The following CAND2 variants were observed in gnomAD, a reference collection of about 807,000 sequenced individuals.
CAND2 encodes the protein cullin-associated NEDD8-dissociated protein 2.
Under a neutral mutation model 98.9 loss-of-function variants are expected in CAND2, and 62 were observed. The ratio of observed to expected loss-of-function variants is 0.63; its 90% CI spans 0.51 to 0.77. CAND2 has a LOEUF of 0.77. CAND2 is among the 30% of genes least tolerant of loss of function. The probability of loss-of-function intolerance (pLI) is 0.00; values close to 1 mark genes in which losing one functional copy is unlikely to be tolerated. For missense variants in CAND2, 1,501 were observed against 1,655.2 expected (o/e 0.91, Z 1.62); for synonymous variants, 770 against 731.9 (o/e 1.05, Z -0.84).
At chr3:12,817,909 C>T in intron 10 of CAND2, 33 bp downstream of exon 10, 2 of 1,475,870 alleles carry the variant, frequency 1.4e-6, no homozygotes, top group East Asian at 2.4e-5. Context: ...GGCAGCCCAC[C>T]TCGGAGGTGG....
At chr3:12,798,897 A>T (rs2061745801) in intron 1 of CAND2, among the ~76,000 whole-genome samples, 1 of 101,878 alleles carries the variant, frequency 9.8e-6, no homozygotes, top group Non-Finnish European at 2.2e-5. Context: ...TGAAACTGAG[A>T]CTGTCCTCTG....
chr3:12,825,507 C>G lies in CAND2; in HGVS notation c.3078C>G (p.Asn1026Lys), dbSNP rs777626074. The change falls in exon 12 of 15, where the codon AAC becomes AAG. Residue 1026 changes from asparagine (N) to lysine (K), a missense_variant. Asn to Lys is a moderately conservative substitution (Grantham distance 94). Around this residue, in one of 3 missense-constraint regions of CAND2, gnomAD observed 1,427 missense variants for 1,545.3 expected, o/e 0.92. Transcript: ENST00000456430. ...FMESLQDPDL[N>K]VRRATLAFFN... Reference sequence around the variant, plus strand: ...AGAGCCTGCAGGACCCAGACCTGAACGTGCGCCGTGCGACTCTGGCTTTCT... The same window carrying G: ...AGAGCCTGCAGGACCCAGACCTGAAGGTGCGCCGTGCGACTCTGGCTTTCT... 6.3e-6 allele frequency: 10 copies of G among 1,575,416 alleles called. No individual in the cohort carries two copies. The highest frequency in any genetic ancestry group is 8.6e-6 in the Non-Finnish European group (10 of 1,159,692).
In CAND2 at chr3:12,817,337, A is replaced by G; in HGVS notation, c.2405A>G (p.His802Arg). The change falls in exon 10 of 15, where the codon CAC becomes CGC. Residue 802 changes from histidine to arginine, a missense_variant. His to Arg is a conservative substitution (Grantham distance 29). Coordinates refer to ENST00000456430, the MANE Select transcript of CAND2 (RefSeq NM_001162499.2). Reference sequence around the variant, plus strand: ...CCTGGCCTGCACAAGCAGGTGTTCCACTCATTGGCCCGGTGTGTGGCAGCC... The same window carrying G: ...CCTGGCCTGCACAAGCAGGTGTTCCGCTCATTGGCCCGGTGTGTGGCAGCC... ...GGPGLHKQVF[H>R]SLARCVAALS... is the part of the protein sequence containing the mutation. 9 of 1,613,794 alleles carry G rather than the reference A, an allele frequency of 5.6e-6. No homozygotes were observed. The highest frequency in any genetic ancestry group is 2.2e-5 in the East Asian group (1 of 44,866).
chr3:12,802,076 C>G (rs1250334603), intron 1 of CAND2, among the ~76,000 whole-genome samples: 1 of 152,186 alleles, frequency 6.6e-6, no homozygotes, highest in Non-Finnish European at 1.5e-5. Flanking sequence ...GCCTGTAATC[C>G]TAGCATTTTG....
Position 12,817,803 on chromosome 3 carries a change from C to T in CAND2, c.2871C>T (p.Ala957=), listed in dbSNP as rs199687250. ...GAEEGTRGVV[A]ECIGKLVLVN... is the part of the protein sequence containing the mutation. ...AGGAGGGCACCCGGGGGGTGGTGGCCGAGTGCATTGGGAAGCTGGTCCTTG... is the reference window on the plus strand; with the variant it reads ...AGGAGGGCACCCGGGGGGTGGTGGCTGAGTGCATTGGGAAGCTGGTCCTTG... Residue 957 remains alanine, a synonymous_variant, in exon 10 of 15, where the codon GCC becomes GCT. Coordinates refer to ENST00000456430, the MANE Select transcript of CAND2 (RefSeq NM_001162499.2). The T allele has an allele frequency of 2.3e-5, 35 of 1,526,736 alleles. No homozygotes were observed. The highest frequency in any genetic ancestry group is 6.8e-5 in the East Asian group (3 of 44,088). 94.6% of individuals were successfully genotyped at this position (1,526,736 alleles called of 1,614,324 possible). A position where few individuals can be genotyped will look rare whatever the true frequency, so the allele number is the denominator to read the frequency against.
At chr3:12,804,031 G>A (rs1174799660) in intron 2 of CAND2, among the ~76,000 whole-genome samples, 1 of 152,090 alleles carries the variant, frequency 6.6e-6, no homozygotes, top group Non-Finnish European at 1.5e-5. Flanking sequence ...CAGCTCCCTG[G>A]TAGTCATTGG....
At chr3:12,833,454 A>T in intron 14 of CAND2, among the ~76,000 whole-genome samples, 1 of 152,316 alleles carries the variant, frequency 6.6e-6, no homozygotes, top group East Asian at 1.9e-4. Context: ...ATGGGAACAC[A>T]GTACTTGCCA....
At chr3:12,797,098 C>G (rs888823089) in intron 1 of CAND2, among the ~76,000 whole-genome samples, 2 of 151,730 alleles carry the variant, frequency 1.3e-5, no homozygotes, top group African/African-American at 4.8e-5. Flanking sequence ...CCCTCTGCAC[C>G]CTGCCTCGGC....
intron 4 of CAND2, 29 bp from the exon 5 acceptor site, chr3:12,810,030 T>C: frequency 7.2e-7 from 1 of 1,384,124 alleles, no homozygotes; most frequent in South Asian, 1.7e-5. Context: ...CGGAGTGCGA[T>C]CGGCCTGATG....
Position 12,815,175 on chromosome 3 carries a change from G to A in CAND2, c.1041G>A (p.Met347Ile). ...ACGAGTACAGCGATGACGATGACAT[G>A]AGCTGGAAGGTGCGCCGGGCAGCTG... is the stretch of plus-strand genomic sequence containing the variant. ...SEDEYSDDDD[M>I]SWKVRRAAAK... Residue 347 changes from methionine to isoleucine, a missense_variant, in exon 8 of 15, where the codon ATG becomes ATA. Coordinates refer to ENST00000456430, the MANE Select transcript of CAND2 (RefSeq NM_001162499.2). The surrounding 1 kb of genome is among the most constrained non-coding windows in gnomAD (Gnocchi z 5.7). 1 of 1,613,262 alleles carries A rather than the reference G, an allele frequency of 6.2e-7. No individual in the cohort carries two copies. Among genetic ancestry groups the A allele is most frequent in the Non-Finnish European group, 8.5e-7 (1 of 1,179,564 alleles).
intron 14 of CAND2, 46 bp downstream of exon 14, chr3:12,831,618 G>T: frequency 7.6e-7 from 1 of 1,323,888 alleles, no homozygotes; most frequent in African/African-American, 1.5e-5. Context: ...AGCACCTATG[G>T]AGTCCTCGGC....
rs1471510377 is a variant in CAND2 at position 12,815,405 on chromosome 3, G to C, written c.1271G>C (p.Gly424Ala). 12 of 1,613,024 alleles carry C rather than the reference G, an allele frequency of 7.4e-6. No individual in the cohort carries two copies. The highest frequency in any genetic ancestry group is 1.0e-5 in the Non-Finnish European group (12 of 1,179,724). ...GCCATGGAGGAACCCACCCAGACCG[G>C]CAGCAACCTCCATATGCTACGTGGA... Reference protein sequence around the residue: ...LEAMEEPTQTGSNLHMLRGQV... With the variant: ...LEAMEEPTQTASNLHMLRGQV... Residue 424 changes from glycine (G) to alanine (A), a missense_variant, in exon 8 of 15, where the codon GGC (glycine) becomes GCC (alanine). Transcript: ENST00000456430. The surrounding 1 kb of genome is among the most constrained non-coding windows in gnomAD (Gnocchi z 5.7).
Position 12,817,554 on chromosome 3 carries a change from T to A in CAND2, c.2622T>A (p.Ser874Arg). 1 of 1,613,870 alleles carries A rather than the reference T, an allele frequency of 6.2e-7. No homozygotes were observed. Among genetic ancestry groups the A allele is most frequent in the Non-Finnish European group, 8.5e-7 (1 of 1,180,008 alleles). Residue 874 changes from serine to arginine, a missense_variant, in exon 10 of 15, where the codon AGT becomes AGA. Around this residue, in one of 3 missense-constraint regions of CAND2, gnomAD observed 1,427 missense variants for 1,545.3 expected, o/e 0.92. Transcript: ENST00000456430. ...AVLLEALGSP[S>R]EDVRAAASYA... ...TCCTGGAAGCTTTGGGGTCACCCAG[T>A]GAGGATGTGAGGGCTGCAGCCTCGT...
intron 5 of CAND2, among the ~76,000 whole-genome samples, chr3:12,811,640 C>T (rs1214690164): frequency 6.6e-6 from 1 of 152,126 alleles, no homozygotes; most frequent in Admixed American, 6.5e-5. Flanking sequence ...GGTGCAGTCT[C>T]GGCTCACCGC....
intron 7 of CAND2, among the ~76,000 whole-genome samples, chr3:12,814,259 C>T (rs941987979): frequency 3.0e-4 from 46 of 152,306 alleles, no homozygotes; most frequent in African/African-American, 8.7e-4. Context: ...CCATGCTGGG[C>T]TCTGAGCCTG....
intron 11 of CAND2, among the ~76,000 whole-genome samples, chr3:12,821,513 A>G (rs1326308426): frequency 6.6e-6 from 1 of 152,226 alleles, no homozygotes; most frequent in Non-Finnish European, 1.5e-5. Flanking sequence ...ACACGTGCAG[A>G]AGCTCTAGCA....
chr3:12,831,596 C>T (rs1291301890), intron 14 of CAND2, 24 bp downstream of exon 14: 1 of 1,554,590 alleles, frequency 6.4e-7, no homozygotes, highest in Admixed American at 1.8e-5. Flanking sequence ...CCAGCCCTAG[C>T]CCAGGCCCTG....
At chr3:12,799,783 G>A (rs1481018075) in intron 1 of CAND2, among the ~76,000 whole-genome samples, 2 of 152,190 alleles carry the variant, frequency 1.3e-5, no homozygotes, top group African/African-American at 4.8e-5. Context: ...TATAAAGGAG[G>A]GGTGCAGAGT....
chr3:12,815,738 G>C lies in CAND2; in HGVS notation c.1300-129G>C. 1 of 902,816 alleles carries C rather than the reference G, an allele frequency of 1.1e-6. No homozygotes were observed. The highest frequency in any genetic ancestry group is 1.7e-6 in the Non-Finnish European group (1 of 589,732). 55.9% of individuals were successfully genotyped at this position (902,816 alleles called of 1,614,324 possible). Reference sequence around the variant, plus strand: ...AAAAGCCTGGCACAGAGTGAGGGACGAGTGCTTGGGAGATATCTTGATGCC... The same window carrying C: ...AAAAGCCTGGCACAGAGTGAGGGACCAGTGCTTGGGAGATATCTTGATGCC... On this transcript the variant is annotated intron_variant, in intron 8 of 14. Transcript: ENST00000456430. This position sits in a 1 kb window ranked among gnomAD's most constrained non-coding sequence, Gnocchi z 5.7.
Sources: allele counts gnomAD v4.1 joint callset (sites outside exome capture counted in the v4.1 genomes callset), GRCh38; gene constraint gnomAD v4.1.1; regional missense constraint gnomAD v4.1.1; non-coding constraint Gnocchi (gnomAD v3.1); transcripts MANE v1.5; gene names NCBI Gene and HGNC (gene_info 2026-07-23, HGNC 2026-07-21).